The following PPARGC1A variants were observed in gnomAD, a reference collection of about 807,000 sequenced individuals.
The protein encoded by PPARGC1A is PPARG coactivator 1 alpha.
A neutral mutation model predicts 88.7 loss-of-function variants in PPARGC1A; 25 were observed. The ratio of observed to expected loss-of-function variants is 0.28; its 90% confidence interval spans 0.21 to 0.39. The LOEUF (loss-of-function observed/expected upper bound fraction) is 0.39, where lower values mean the gene tolerates loss of function less well. Ranked by LOEUF, PPARGC1A falls within the 10% of genes least tolerant of loss-of-function variation. The pLI is 1.00. For missense variants in PPARGC1A, 880 were observed against 968.7 expected (o/e 0.91, Z 1.22); for synonymous variants, 363 against 355.6 (o/e 1.02, Z -0.24).
chr4:24,128,372 C>T, the PPARGC1A span, among the ~76,000 whole-genome samples: 1 of 152,134 alleles, frequency 6.6e-6, no homozygotes, highest in African/African-American at 2.4e-5. Context: ...AACAGTGCCT[C>T]ATAAATTCTA....
At chr4:23,803,863 A>G (rs2932965) in intron 10 of PPARGC1A, among the ~76,000 whole-genome samples, 123,761 of 152,116 alleles carry the variant, frequency 0.81, 50,488 homozygotes, top group Admixed American at 0.86. Flanking sequence ...AGTAATTTGG[A>G]CTGAAAGCAA....
the PPARGC1A span, among the ~76,000 whole-genome samples, chr4:24,146,525 G>T: frequency 6.6e-6 from 1 of 152,204 alleles, no homozygotes; most frequent in Non-Finnish European, 1.5e-5. Flanking sequence ...GGGCACCTCG[G>T]TCTGCTGACT....
the PPARGC1A span, among the ~76,000 whole-genome samples, chr4:24,338,445 T>TA: frequency 1.3e-5 from 2 of 152,214 alleles, no homozygotes; most frequent in Admixed American, 6.5e-5. Flanking sequence ...AAAACTACTC[T>TA]AAAACCTAAG....
chr4:24,457,784 C>T, the PPARGC1A span, among the ~76,000 whole-genome samples: 3 of 152,056 alleles, frequency 2.0e-5, no homozygotes, highest in Non-Finnish European at 4.4e-5. Context: ...AGGATGGTCT[C>T]GATCTCTTGA....
the PPARGC1A span, among the ~76,000 whole-genome samples, chr4:24,073,858 T>A: frequency 1.3e-5 from 2 of 152,126 alleles, no homozygotes; most frequent in South Asian, 4.1e-4. Context: ...GTTAACCAGC[T>A]GTGTGTCTCA....
intron 2 of PPARGC1A, among the ~76,000 whole-genome samples, chr4:23,879,173 G>A (rs941748497): frequency 1.3e-5 from 2 of 152,152 alleles, no homozygotes; most frequent in Admixed American, 6.5e-5. Flanking sequence ...TTAAGGTGAG[G>A]TTGTATATAC....
chr4:24,037,489 A>C, the PPARGC1A span, among the ~76,000 whole-genome samples: 2 of 152,214 alleles, frequency 1.3e-5, no homozygotes, highest in Non-Finnish European at 2.9e-5. Flanking sequence ...TTTTCAGATC[A>C]CATAGAAGCA....
At chr4:23,865,549 T>C (rs1379513142) in intron 2 of PPARGC1A, among the ~76,000 whole-genome samples, 1 of 152,160 alleles carries the variant, frequency 6.6e-6, no homozygotes, top group Non-Finnish European at 1.5e-5. Context: ...GTAGGGACTC[T>C]ATAAATGTCT....
chr4:24,013,427 C>A, the PPARGC1A span, among the ~76,000 whole-genome samples: 2 of 152,164 alleles, frequency 1.3e-5, no homozygotes, highest in South Asian at 4.2e-4. Context: ...TTTGTCTCCT[C>A]GTCCTCTCTC....
chr4:24,277,714 T>G, the PPARGC1A span, among the ~76,000 whole-genome samples: 4 of 152,150 alleles, frequency 2.6e-5, no homozygotes, highest in Admixed American at 1.3e-4. Flanking sequence ...AAAGACTAAC[T>G]TTGCAATCAG....
At chr4:24,206,553 G>C in the PPARGC1A span, among the ~76,000 whole-genome samples, 1 of 152,048 alleles carries the variant, frequency 6.6e-6, no homozygotes, top group Non-Finnish European at 1.5e-5. Flanking sequence ...TGGAGGCCAG[G>C]GGGCATGGTG....
the PPARGC1A span, among the ~76,000 whole-genome samples, chr4:24,261,244 A>C: frequency 6.6e-6 from 1 of 152,168 alleles, no homozygotes; most frequent in Non-Finnish European, 1.5e-5. Context: ...AATGCCAGGC[A>C]AATCTATCTC....
chr4:24,451,403 A>T, the PPARGC1A span, among the ~76,000 whole-genome samples: 4 of 152,200 alleles, frequency 2.6e-5, no homozygotes, highest in Non-Finnish European at 4.4e-5. Flanking sequence ...CCCTAATGGC[A>T]CTTTCAATGA....
the PPARGC1A span, among the ~76,000 whole-genome samples, chr4:23,944,734 G>A: frequency 6.6e-6 from 1 of 152,124 alleles, no homozygotes; most frequent in Non-Finnish European, 1.5e-5. Flanking sequence ...GATGGTTTTA[G>A]AAGGAGCTTC....
At chr4:24,340,324 C>CA in the PPARGC1A span, among the ~76,000 whole-genome samples, 1 of 152,068 alleles carries the variant, frequency 6.6e-6, no homozygotes, top group African/African-American at 2.4e-5. Flanking sequence ...AATAAACTGA[C>CA]AAAAAAGAAC....
the PPARGC1A span, among the ~76,000 whole-genome samples, chr4:24,181,707 C>T: frequency 1.3e-5 from 2 of 152,092 alleles, no homozygotes; most frequent in African/African-American, 2.4e-5. Flanking sequence ...GACACCTTGA[C>T]AAAGAGAAAC....
chr4:23,933,340 T>C, the PPARGC1A span, among the ~76,000 whole-genome samples: 1 of 152,254 alleles, frequency 6.6e-6, no homozygotes, highest in African/African-American at 2.4e-5. Flanking sequence ...ATAAATGAGA[T>C]AAAGTAAGCA....
At chr4:24,154,419 T>G in the PPARGC1A span, among the ~76,000 whole-genome samples, 4 of 152,228 alleles carry the variant, frequency 2.6e-5, no homozygotes, top group African/African-American at 9.6e-5. Context: ...CATTCAGAGA[T>G]TCTGAACATT....
chr4:23,882,210 C>T (rs1019843945), intron 2 of PPARGC1A: 5 of 152,170 alleles, frequency 3.3e-5, no homozygotes, highest in Non-Finnish European at 4.4e-5. Flanking sequence ...CCTAAACAGT[C>T]ACTTTTGCCC....
Sources: allele counts gnomAD v4.1 joint callset (sites outside exome capture counted in the v4.1 genomes callset), GRCh38; gene constraint gnomAD v4.1.1; transcripts MANE v1.5; gene names NCBI Gene and HGNC (gene_info 2026-07-23, HGNC 2026-07-21).